The following GRIK4 variants were observed in gnomAD, a reference collection of about 807,000 sequenced individuals.
GRIK4 encodes the protein glutamate receptor ionotropic, kainate 4.
GRIK4 carries 40 observed loss-of-function variants against 104.9 expected under a neutral mutation model. That is an observed-to-expected ratio of 0.38 (90% confidence interval 0.30 to 0.50). GRIK4 has a LOEUF of 0.50. GRIK4 is among the 20% of genes least tolerant of loss of function. GRIK4 has a pLI of 0.93. For missense variants in GRIK4, 1,047 were observed against 1,308.1 expected, an observed-to-expected ratio of 0.80 and a Z score of 3.08; for synonymous variants, 485 against 524.9, an observed-to-expected ratio of 0.92 and a Z score of 1.04.
chr11:120,534,069 A>G (rs1467481295), intron 1 of GRIK4, among the ~76,000 whole-genome samples: 1 of 152,188 alleles, frequency 6.6e-6, no homozygotes. Context: ...CCTGGCAGTG[A>G]TCCTGCCAAA....
In GRIK4 at chr11:120,667,242, C is replaced by G. The variant is rs139408609; in HGVS notation, c.82+6842C>G. On this transcript the variant is annotated intron_variant, in intron 3 of 20. Transcript: ENST00000527524. ...AACAAGAGCTTAGAATTGAGGCAAC[C>G]AGCTGCCTAATTTAAGCCATGACCC... Among the ~76,000 whole-genome samples, 78 of 152,336 alleles carry G rather than the reference C, an allele frequency of 5.1e-4. No individual in the cohort carries two copies. In the East Asian group the frequency reaches 0.015, roughly 29 times the overall value.
At chr11:120,840,475 T>C (rs1226905638) in intron 8 of GRIK4, among the ~76,000 whole-genome samples, 1 of 152,044 alleles carries the variant, frequency 6.6e-6, no homozygotes, top group East Asian at 1.9e-4. Flanking sequence ...GGCACCTGGT[T>C]AAGGTGGGAG....
At chr11:120,920,292 C>T (rs113977504) in intron 13 of GRIK4, among the ~76,000 whole-genome samples, 1 of 151,824 alleles carries the variant, frequency 6.6e-6, no homozygotes, top group Non-Finnish European at 1.5e-5. Context: ...AGTGTTCGCT[C>T]TCTCCTCTCC....
intron 19 of GRIK4, among the ~76,000 whole-genome samples, chr11:120,970,830 A>G (rs991939435): frequency 6.6e-6 from 1 of 152,074 alleles, no homozygotes; most frequent in Admixed American, 6.6e-5. Context: ...TGTTTGTTCT[A>G]CTGACAGTCA....
intron 3 of GRIK4, among the ~76,000 whole-genome samples, chr11:120,669,810 C>T (rs904852343): frequency 7.2e-5 from 11 of 152,224 alleles, no homozygotes; most frequent in African/African-American, 2.4e-4. Context: ...TCTCTGCATG[C>T]CCACTCCCTG....
chr11:120,715,249 C>T (rs191052444), intron 3 of GRIK4, among the ~76,000 whole-genome samples: 1 of 152,152 alleles, frequency 6.6e-6, no homozygotes, highest in African/African-American at 2.4e-5. Flanking sequence ...GGAGAAGGGG[C>T]CCTGGGGCAC....
chr11:120,518,906 C>A (rs1377365594), intron 1 of GRIK4, among the ~76,000 whole-genome samples: 1 of 152,246 alleles, frequency 6.6e-6, no homozygotes, highest in East Asian at 1.9e-4. Context: ...GCATGAGCCA[C>A]TGTGCCTGGC....
At chr11:120,909,664 A>G (rs1942949736) in intron 13 of GRIK4, among the ~76,000 whole-genome samples, 1 of 152,218 alleles carries the variant, frequency 6.6e-6, no homozygotes, top group Admixed American at 6.5e-5. Context: ...AGAAGCAATG[A>G]AGGTTGATAT....
intron 3 of GRIK4, among the ~76,000 whole-genome samples, chr11:120,763,811 G>A (rs529225352): frequency 6.6e-6 from 1 of 152,258 alleles, no homozygotes; most frequent in African/African-American, 2.4e-5. Context: ...CTGAGAGACT[G>A]TTTGTTATGA....
chr11:120,818,729 G>T (rs1953026351), intron 5 of GRIK4, among the ~76,000 whole-genome samples: 2 of 152,198 alleles, frequency 1.3e-5, no homozygotes, highest in Non-Finnish European at 2.9e-5. Flanking sequence ...TTGTGGGCCA[G>T]AGCAGGCAGA....
intron 13 of GRIK4, among the ~76,000 whole-genome samples, chr11:120,912,231 G>A (rs1943015361): frequency 6.6e-6 from 1 of 152,176 alleles, no homozygotes; most frequent in South Asian, 2.1e-4. Flanking sequence ...ACAGGTCTGG[G>A]AGGAGAGAGA....
chr11:120,927,187 T>TTATTATC (rs5795249), intron 13 of GRIK4, among the ~76,000 whole-genome samples: 2 of 151,990 alleles, frequency 1.3e-5, no homozygotes, highest in East Asian at 1.9e-4. Flanking sequence ...AGTTGGGTCT[T>TTATTATC]TATGAACTTG....
At chr11:120,619,889 T>A (rs1019001512) in intron 1 of GRIK4, 6 of 239,714 alleles carry the variant, frequency 2.5e-5, no homozygotes, top group African/African-American at 9.1e-5. Flanking sequence ...TTTTTTTTTT[T>A]AATACTGAAA....
rs749668120 is a variant in GRIK4 at position 120,962,688 on chromosome 11, G to C, written c.2266+7G>C. 1 of 1,592,226 alleles carries C rather than the reference G, an allele frequency of 6.3e-7. No individual in the cohort carries two copies. The highest frequency in any genetic ancestry group is 1.3e-5 in the African/African-American group (1 of 74,514). ...GGGATTGGCATGCCAGTCGGTATGC[G>C]GGAGAGGAACAGCCTCTTTGGGTAG... On this transcript the variant is annotated splice_region_variant and intron_variant, in intron 18 of 20. Transcript: ENST00000527524.
intron 6 of GRIK4, among the ~76,000 whole-genome samples, chr11:120,827,435 T>TGGCAGGCA (rs143321553): frequency 0.21 from 32,321 of 151,896 alleles, 3,616 homozygotes; most frequent in African/African-American, 0.28. Context: ...GCCTTAGACT[T>TGGCAGGCA]GGCAGGCAGG....
At position 120,765,438 on chromosome 11, in the gene GRIK4, A is replaced by T. The variant is rs190125876; in HGVS notation, c.83-37255A>T. Reference sequence around the variant, plus strand: ...AGCTCAGAGGAGTTCGTTATTACCCACCTTCTGAAGCCTACTTCTATCAAT... The same window carrying T: ...AGCTCAGAGGAGTTCGTTATTACCCTCCTTCTGAAGCCTACTTCTATCAAT... On this transcript the variant is annotated intron_variant, in intron 3 of 20. Transcript: ENST00000527524. Among the ~76,000 whole-genome samples the T allele has an allele frequency of 9.2e-5, 14 of 152,028 alleles. No individual in the cohort carries two copies. In the East Asian group the frequency reaches 2.7e-3, roughly 30 times the overall value.
chr11:120,664,980 T>A (rs533416369), intron 3 of GRIK4, among the ~76,000 whole-genome samples: 14,346 of 152,194 alleles, frequency 0.094, 743 homozygotes, highest in African/African-American at 0.13. Context: ...TTATACTCTG[T>A]CTTACGAGGA....
intron 13 of GRIK4, among the ~76,000 whole-genome samples, chr11:120,923,003 A>C (rs561271673): frequency 6.6e-6 from 1 of 152,302 alleles, no homozygotes; most frequent in Admixed American, 6.5e-5. Context: ...ACAGATCCCT[A>C]TCCAGATCCA....
At chr11:120,935,759 C>G (rs1943582760) in intron 13 of GRIK4, among the ~76,000 whole-genome samples, 1 of 152,042 alleles carries the variant, frequency 6.6e-6, no homozygotes, top group Admixed American at 6.5e-5. Context: ...TTCTGTGCAC[C>G]AAGAACCTGC....
Sources: allele counts gnomAD v4.1 joint callset (sites outside exome capture counted in the v4.1 genomes callset), GRCh38; gene constraint gnomAD v4.1.1; transcripts MANE v1.5; gene names NCBI Gene and HGNC (gene_info 2026-07-23, HGNC 2026-07-21).